ZNF724: variants seen among roughly 807,000 people sequenced by gnomAD.
ZNF724 encodes the protein zinc finger protein 724, also known as zinc finger protein 724 pseudogene.
In ZNF724, 14 loss-of-function variants were observed where a neutral mutation model predicts 29.3. That is an observed-to-expected ratio of 0.48 (90% confidence interval 0.32 to 0.75). The LOEUF is 0.75. Among genes scored for constraint, ZNF724 ranks in the 30% least tolerant of loss-of-function variants. The probability of loss-of-function intolerance (pLI) is 0.04; values close to 1 mark genes in which losing one functional copy is unlikely to be tolerated. For synonymous variants in ZNF724, 180 were observed against 193.6 expected (o/e 0.93, Z 0.58); for missense variants, 557 against 571.2 (o/e 0.98, Z 0.25).
At chr19:23,227,555 C>CAAAAAAAAAAAAAAAAAAA (rs1370441801) in intron 3 of ZNF724, among the ~76,000 whole-genome samples, 17 of 75,952 alleles carry the variant, frequency 2.2e-4, no homozygotes, top group East Asian at 1.1e-3. Flanking sequence ...GGCTCCATCT[C>CAAAAAAAAAAAAAAAAAAA]AAAAAAAAAA....
intron 1 of ZNF724, among the ~76,000 whole-genome samples, chr19:23,243,203 C>T (rs547075527): frequency 6.6e-6 from 1 of 151,764 alleles, no homozygotes; most frequent in East Asian, 1.9e-4. Context: ...GAAAGGCCAG[C>T]CATGGTGGCC....
intron 1 of ZNF724, among the ~76,000 whole-genome samples, chr19:23,233,707 C>T (rs1971977737): frequency 6.6e-6 from 1 of 151,036 alleles, no homozygotes; most frequent in Non-Finnish European, 1.5e-5. Context: ...GAAAAAAACA[C>T]AAGTATAGAA....
chr19:23,249,100 G>A (rs1446193743), intron 1 of ZNF724, among the ~76,000 whole-genome samples: 1 of 152,108 alleles, frequency 6.6e-6, no homozygotes, highest in African/African-American at 2.4e-5. Context: ...ACCAATTATT[G>A]AATTTGGGAT....
rs1277050470 is a variant in ZNF724 at position 23,223,425 on chromosome 19, T to C, written c.820A>G (p.Ile274Val). 1 of 770,808 alleles carries C rather than the reference T, an allele frequency of 1.3e-6. No individual in the cohort carries two copies. Among genetic ancestry groups the C allele is most frequent in the Non-Finnish European group, 2.4e-6 (1 of 413,956 alleles). 47.7% of individuals were successfully genotyped at this position (770,808 alleles called of 1,614,324 possible). The change falls in exon 4 of 4, where the codon ATA becomes GTA. Residue 274 changes from isoleucine (I) to valine (V), a missense_variant. Coordinates refer to ENST00000418100, the MANE Select transcript of ZNF724 (RefSeq NM_001355404.2). ...NISSHLTTHK[I>V]IHTGENAYKC... Reference sequence around the variant, plus strand: ...TAGGCATTCTCTCCAGTATGAATTATCTTATGTGTAGTAAGGTGTGAGGAT... The same window carrying C: ...TAGGCATTCTCTCCAGTATGAATTACCTTATGTGTAGTAAGGTGTGAGGAT...
In ZNF724 at chr19:23,249,938, C is replaced by T. The variant is rs1243575189; in HGVS notation, c.3+302G>A. Among the ~76,000 whole-genome samples, 3 of 152,200 alleles carry T rather than the reference C, an allele frequency of 2.0e-5. No homozygotes were observed. In the East Asian group the frequency reaches 5.8e-4, roughly 29 times the overall value. ...CCGAGTCAGGATTCTCCCCTGACTA[C>T]CCTCCCTTGGTCCCTGCACAATCTG... On this transcript the variant is annotated intron_variant, in intron 1 of 3. Transcript: ENST00000418100.
chr19:23,240,709 A>G (rs1972106237), intron 1 of ZNF724, among the ~76,000 whole-genome samples: 1 of 132,836 alleles, frequency 7.5e-6, no homozygotes, highest in South Asian at 2.6e-4. Context: ...GACAGAGTGG[A>G]TTCCACCTAA....
chr19:23,239,566 C>A (rs1315472088), intron 1 of ZNF724, among the ~76,000 whole-genome samples: 1 of 152,066 alleles, frequency 6.6e-6, no homozygotes, highest in Non-Finnish European at 1.5e-5. Flanking sequence ...ACAACACAGC[C>A]AAGGCAGTGT....
chr19:23,222,842 T>G lies in ZNF724; in HGVS notation c.1403A>C (p.His468Pro). 1.4e-6 allele frequency: 2 copies of G among 1,416,812 alleles called. No individual in the cohort carries two copies. The highest frequency in any genetic ancestry group is 2.0e-6 in the Non-Finnish European group (2 of 1,007,120). 87.8% of individuals were successfully genotyped at this position (1,416,812 alleles called of 1,614,324 possible). ...AFKRSSNLTE[H>P]RIIHTGEKPY... ...TTTCTCTCCAGTATGAATTATCCTA[T>G]GTTCAGTAAGGTTTGAGGACCGCTT... Residue 468 changes from histidine to proline, a missense_variant, in exon 4 of 4, where the codon CAT becomes CCT. By Grantham distance (77) the His-to-Pro change is moderately conservative. Around this residue, in one of 3 missense-constraint regions of ZNF724, gnomAD observed 170 missense variants for 220.7 expected, o/e 0.77. Transcript: ENST00000418100.
At chr19:23,239,520 A>G (rs1412821764) in intron 1 of ZNF724, among the ~76,000 whole-genome samples, 2 of 152,220 alleles carry the variant, frequency 1.3e-5, no homozygotes, top group African/African-American at 4.8e-5. Flanking sequence ...CTTTGAAACA[A>G]ATAAGAAGAA....
rs1406115875 is a variant in ZNF724, at chr19:23,222,238, A to G, written c.*147T>C. ...TTGAGGTGTTGTCAACTGCACTGTT[A>G]TATCTTTCAGGTTTGTACGGTTTCT... On this transcript the variant is annotated 3_prime_UTR_variant, in exon 4 of 4. Transcript: ENST00000418100. The G allele has an allele frequency of 8.4e-6, 5 of 596,968 alleles. No individual in the cohort carries two copies. Among genetic ancestry groups the G allele is most frequent in the East Asian group, 2.8e-5 (1 of 36,126 alleles). 37.0% of individuals were successfully genotyped at this position (596,968 alleles called of 1,614,324 possible).
chr19:23,231,628 T>A (rs1446471028), intron 2 of ZNF724, among the ~76,000 whole-genome samples: 2 of 152,132 alleles, frequency 1.3e-5, no homozygotes, highest in Non-Finnish European at 2.9e-5. Context: ...TTACCACTAA[T>A]TTAGAGTGAA....
rs61241201 is a variant in ZNF724, at chr19:23,243,475, C to CAAAAAAAAAAAAAAAAAAAAAAAAAA, written c.3+6739_3+6764dup. Among the ~76,000 whole-genome samples the CAAAAAAAAAAAAAAAAAAAAAAAAAA allele has an allele frequency of 6.4e-5, 2 of 31,208 alleles. 1 individual carries two copies. Among genetic ancestry groups the CAAAAAAAAAAAAAAAAAAAAAAAAAA allele is most frequent in the African/African-American group, 3.1e-4 (2 of 6,506 alleles). The allele number at this position is 31,208 out of a possible 152,430, so 20.5% of individuals were successfully genotyped here. On this transcript the variant is annotated intron_variant, in intron 1 of 3. Transcript: ENST00000418100. ...TGAGTGACAGAGCGAGAGTCCATCT[C>CAAAAAAAAAAAAAAAAAAAAAAAAAA]AAAAAAAAAAAAAAAAAAAAAAAAA...
chr19:23,235,199 C>A (rs576052869), intron 1 of ZNF724, among the ~76,000 whole-genome samples: 1 of 151,708 alleles, frequency 6.6e-6, no homozygotes, highest in African/African-American at 2.4e-5. Context: ...ATTCTCATAA[C>A]AAACTGGGAG....
At chr19:23,228,284 T>C (rs1399966302) in intron 3 of ZNF724, among the ~76,000 whole-genome samples, 4 of 151,202 alleles carry the variant, frequency 2.6e-5, no homozygotes. Context: ...ACACTTTCCC[T>C]ACTAAAAATA....
chr19:23,238,765 G>C (rs757337882), intron 1 of ZNF724, among the ~76,000 whole-genome samples: 7 of 152,066 alleles, frequency 4.6e-5, no homozygotes, highest in African/African-American at 1.7e-4. Context: ...AAAATTAGCC[G>C]GGCGTGGTGG....
rs924602610 is a variant in ZNF724 at position 23,250,322 on chromosome 19, G to A, written c.-80C>T. 3.6e-6 allele frequency: 2 copies of A among 556,520 alleles called. No homozygotes were observed. Among genetic ancestry groups the A allele is most frequent in the African/African-American group, 1.9e-5 (1 of 52,230 alleles). 34.5% of individuals were successfully genotyped at this position (556,520 alleles called of 1,614,324 possible). The stretch of plus-strand genomic sequence containing the variant: ...GCAGGTCAGAGGGCCACAGAGGCTG[G>A]GCCTCTAAGAGCAGGGGACACAAAG... On this transcript the variant is annotated 5_prime_UTR_variant, in exon 1 of 4. Transcript: ENST00000418100.
intron 1 of ZNF724, among the ~76,000 whole-genome samples, chr19:23,245,943 G>A (rs1972226131): frequency 6.6e-6 from 1 of 152,056 alleles, no homozygotes; most frequent in East Asian, 1.9e-4. Context: ...AGCTTTCCAT[G>A]GCTCTATAGC....
At chr19:23,230,378 T>C (rs1285158173) in intron 3 of ZNF724, among the ~76,000 whole-genome samples, 1 of 152,032 alleles carries the variant, frequency 6.6e-6, no homozygotes, top group Non-Finnish European at 1.5e-5. Flanking sequence ...AAAAACACAA[T>C]CATAAAATTT....
chr19:23,250,338 G>C lies in ZNF724; in HGVS notation c.-96C>G. The C allele has an allele frequency of 1.9e-6, 1 of 533,410 alleles. No homozygotes were observed. The highest frequency in any genetic ancestry group is 1.4e-5 in the South Asian group (1 of 70,230). The allele number at this position is 533,410 out of a possible 1,614,324, so 33.0% of individuals were successfully genotyped here. A position where few individuals can be genotyped will look rare whatever the true frequency, so the allele number is the denominator to read the frequency against. ...CAGAGGCTGGGCCTCTAAGAGCAGG[G>C]GACACAAAGCAGGGAAGACGAGACC... On this transcript the variant is annotated 5_prime_UTR_variant, in exon 1 of 4. Coordinates refer to ENST00000418100, the MANE Select transcript of ZNF724 (RefSeq NM_001355404.2).
Sources: allele counts gnomAD v4.1 joint callset (sites outside exome capture counted in the v4.1 genomes callset), GRCh38; gene constraint gnomAD v4.1.1; regional missense constraint gnomAD v4.1.1; transcripts MANE v1.5; gene names NCBI Gene and HGNC (gene_info 2026-07-23, HGNC 2026-07-21).